The following TENM4 variants were observed in gnomAD, a reference collection of about 807,000 sequenced individuals.
TENM4 encodes the protein teneurin-4.
Under a neutral mutation model 243.3 loss-of-function variants are expected in TENM4, and 82 were observed. That is an observed-to-expected ratio of 0.34 (90% CI 0.28 to 0.40). The LOEUF is 0.40. Ranked by LOEUF, TENM4 falls within the 10% of genes least tolerant of loss-of-function variation. The pLI is 1.00. For missense variants in TENM4, 3,138 were observed against 3,673.3 expected (o/e 0.85, Z 3.77); for synonymous variants, 1,412 against 1,456.3 (o/e 0.97, Z 0.69).
intron 6 of TENM4, among the ~76,000 whole-genome samples, chr11:79,054,312 T>A (rs1481777103): frequency 6.6e-6 from 1 of 152,158 alleles, no homozygotes; most frequent in East Asian, 1.9e-4. Context: ...CCGGAGTCAA[T>A]CTTCTTTCAG....
chr11:79,417,787 G>C (rs1858849916), intron 1 of TENM4, among the ~76,000 whole-genome samples: 1 of 152,034 alleles, frequency 6.6e-6, no homozygotes. Context: ...TATCCCCCAG[G>C]TATGTGCTTT....
intron 6 of TENM4, among the ~76,000 whole-genome samples, chr11:78,942,176 G>T (rs1856912288): frequency 6.8e-6 from 1 of 146,182 alleles, no homozygotes; most frequent in Non-Finnish European, 1.5e-5. Flanking sequence ...ACTTTGGGAG[G>T]CCAAGTTGGG....
intron 6 of TENM4, among the ~76,000 whole-genome samples, chr11:78,992,361 A>G (rs1043181590): frequency 6.6e-6 from 1 of 152,242 alleles, no homozygotes; most frequent in Non-Finnish European, 1.5e-5. Context: ...TGAGTAGTCT[A>G]GTTGGCTCAG....
At chr11:79,123,098 C>T (rs901900758) in intron 4 of TENM4, among the ~76,000 whole-genome samples, 1 of 152,224 alleles carries the variant, frequency 6.6e-6, no homozygotes, top group South Asian at 2.1e-4. Flanking sequence ...AATCTTCAGT[C>T]TGCTGGGAAA....
At chr11:78,941,107 G>A (rs2136455669) in intron 6 of TENM4, among the ~76,000 whole-genome samples, 1 of 152,344 alleles carries the variant, frequency 6.6e-6, no homozygotes, top group East Asian at 1.9e-4. Flanking sequence ...GGAGCTCACA[G>A]CCTGGCGGGT....
intron 1 of TENM4, among the ~76,000 whole-genome samples, chr11:79,416,877 C>CA (rs139883102): frequency 0.41 from 59,758 of 145,356 alleles, 12,150 homozygotes; most frequent in African/African-American, 0.5. Flanking sequence ...CAGACAATGG[C>CA]AAAAAAAAAA....
At chr11:78,728,557 T>C (rs757001702) in intron 22 of TENM4, among the ~76,000 whole-genome samples, 1 of 141,818 alleles carries the variant, frequency 7.1e-6, no homozygotes, top group African/African-American at 2.5e-5. Flanking sequence ...CTCTTCCTCC[T>C]TCCCTCCCTT....
At chr11:78,791,090 T>A (rs963676310) in intron 15 of TENM4, among the ~76,000 whole-genome samples, 2 of 152,158 alleles carry the variant, frequency 1.3e-5, no homozygotes, top group African/African-American at 4.8e-5. Flanking sequence ...TATGGGGTGC[T>A]AACTGAAGGT....
chr11:79,159,367 A>C (rs1440363040), intron 3 of TENM4, among the ~76,000 whole-genome samples: 1 of 152,152 alleles, frequency 6.6e-6, no homozygotes, highest in African/African-American at 2.4e-5. Flanking sequence ...AGGTAGCATC[A>C]CCCTTATTTT....
intron 9 of TENM4, among the ~76,000 whole-genome samples, chr11:78,884,971 A>G (rs1240129378): frequency 6.6e-6 from 1 of 151,266 alleles, no homozygotes; most frequent in East Asian, 1.9e-4. Context: ...ACAGAAGGGC[A>G]CGTGGACAGC....
At chr11:78,927,198 T>A (rs2136407851) in intron 6 of TENM4, among the ~76,000 whole-genome samples, 1 of 152,364 alleles carries the variant, frequency 6.6e-6, no homozygotes, top group Admixed American at 6.5e-5. Flanking sequence ...ACTGATTCAA[T>A]GTTAAAATAG....
At chr11:79,436,366 C>G (rs2135624017) in intron 1 of TENM4, among the ~76,000 whole-genome samples, 1 of 152,214 alleles carries the variant, frequency 6.6e-6, no homozygotes, top group South Asian at 2.1e-4. Flanking sequence ...AAAACCCTGA[C>G]AGTGTTGCAA....
chr11:78,779,797 G>C lies in TENM4; in HGVS notation c.2366-1169C>G, dbSNP rs144524147. Among the ~76,000 whole-genome samples the C allele has an allele frequency of 2.6e-3, 397 of 152,268 alleles. 2 individuals are homozygous for C. The highest frequency in any genetic ancestry group is 9.1e-3 in the African/African-American group (377 of 41,556). ...CCATCAGACAGGACCGGACTGCAAC[G>C]GTGTGGCCTTATCAGGAATCCCTAG... On this transcript the variant is annotated intron_variant, in intron 16 of 33. Transcript: ENST00000278550.
At position 79,143,227 on chromosome 11, in the gene TENM4, G is replaced by A. The variant is rs1472293909; in HGVS notation, c.-66+5483C>T. 5.9e-5 allele frequency among the ~76,000 whole-genome samples: 9 copies of A among 152,024 alleles called. No individual in the cohort carries two copies. The South Asian group carries it at 6.2e-4, about 10-fold the overall frequency. ...TGCTACTATAAAGACACATGCACACGTATGTTTATTGTGGCACTATTCACA... is the reference window on the plus strand; with the variant it reads ...TGCTACTATAAAGACACATGCACACATATGTTTATTGTGGCACTATTCACA... On this transcript the variant is annotated intron_variant, in intron 4 of 33. Coordinates refer to ENST00000278550, the MANE Select transcript of TENM4 (RefSeq NM_001098816.3).
At chr11:79,375,657 A>C (rs1565320662) in intron 1 of TENM4, among the ~76,000 whole-genome samples, 1 of 152,214 alleles carries the variant, frequency 6.6e-6, no homozygotes, top group East Asian at 1.9e-4. Context: ...GGTCAACAAA[A>C]TAATCATAGA....
chr11:78,941,728 C>T (rs894723445), intron 6 of TENM4, among the ~76,000 whole-genome samples: 2 of 152,136 alleles, frequency 1.3e-5, no homozygotes, highest in Non-Finnish European at 2.9e-5. Context: ...CCCTGCAGCC[C>T]GAGGCTGCCT....
intron 3 of TENM4, among the ~76,000 whole-genome samples, chr11:79,151,335 T>C (rs1315694382): frequency 1.3e-5 from 2 of 152,318 alleles, no homozygotes; most frequent in East Asian, 3.9e-4. Context: ...TGACCATGCA[T>C]CCATCTCTCC....
At chr11:79,423,648 G>A (rs538953719) in intron 1 of TENM4, among the ~76,000 whole-genome samples, 74 of 151,206 alleles carry the variant, frequency 4.9e-4, no homozygotes, top group Middle Eastern at 6.8e-3. Context: ...AACAAGGGGC[G>A]AGTCTATGCA....
intron 6 of TENM4, among the ~76,000 whole-genome samples, chr11:79,031,945 A>G (rs1859250860): frequency 6.6e-6 from 1 of 152,210 alleles, no homozygotes; most frequent in Non-Finnish European, 1.5e-5. Context: ...ACAATGCACA[A>G]GACAGACTCC....
Sources: gnomAD v4.1 joint callset for allele counts (sites outside exome capture counted in the v4.1 genomes callset) on GRCh38, gnomAD v4.1.1 for gene constraint, MANE v1.5 for transcripts, NCBI Gene and HGNC (gene_info 2026-07-23, HGNC 2026-07-21) for gene names.